The following PIBF1 variants were observed in gnomAD, a reference collection of about 807,000 sequenced individuals.
The protein encoded by PIBF1 is progesterone-induced-blocking factor 1.
PIBF1 carries 90 observed loss-of-function variants against 112.5 expected under a neutral mutation model. That is an observed-to-expected ratio of 0.80 (90% CI 0.67 to 0.95). The LOEUF is 0.95. Among genes scored for constraint, PIBF1 ranks in the 40% least tolerant of loss-of-function variants. PIBF1 has a pLI of 0.00. For missense variants in PIBF1, 915 were observed against 852.3 expected (o/e 1.07, Z -0.92); for synonymous variants, 301 against 288.6 (o/e 1.04, Z -0.44).
chr13:73,004,875 C>A (rs1395780516), intron 17 of PIBF1, among the ~76,000 whole-genome samples: 1 of 152,074 alleles, frequency 6.6e-6, no homozygotes, highest in Non-Finnish European at 1.5e-5. Flanking sequence ...GTAAGTAATA[C>A]CACTGATATG....
chr13:72,935,716 T>G (rs974060016), intron 14 of PIBF1, among the ~76,000 whole-genome samples: 2 of 152,194 alleles, frequency 1.3e-5, no homozygotes, highest in Non-Finnish European at 2.9e-5. Flanking sequence ...GTTAGTTTTT[T>G]TATCCACTAT....
At chr13:72,828,727 G>C (rs1429813212) in intron 8 of PIBF1, among the ~76,000 whole-genome samples, 1 of 152,230 alleles carries the variant, frequency 6.6e-6, no homozygotes, top group Non-Finnish European at 1.5e-5. Context: ...ATTGTGAACA[G>C]TGCTGCAGTA....
chr13:72,979,042 A>G (rs1329896523), intron 16 of PIBF1, among the ~76,000 whole-genome samples: 2 of 152,110 alleles, frequency 1.3e-5, no homozygotes, highest in Non-Finnish European at 2.9e-5. Context: ...AAAAAAATCA[A>G]AATTTAGCTG....
intron 11 of PIBF1, among the ~76,000 whole-genome samples, chr13:72,897,296 A>G (rs2040317887): frequency 6.6e-6 from 1 of 152,262 alleles, no homozygotes; most frequent in Admixed American, 6.5e-5. Flanking sequence ...GAACAGCTCA[A>G]AGGAGCTCTA....
At chr13:72,835,402 T>G (rs1266267845) in intron 9 of PIBF1, 34 bp downstream of exon 9, 2 of 1,499,172 alleles carry the variant, frequency 1.3e-6, no homozygotes, top group Non-Finnish European at 1.8e-6. Flanking sequence ...TGGTATTTTA[T>G]TTATCTTTGG....
At chr13:72,925,359 G>A (rs2041443641) in intron 13 of PIBF1, among the ~76,000 whole-genome samples, 1 of 151,934 alleles carries the variant, frequency 6.6e-6, no homozygotes, top group Admixed American at 6.6e-5. Flanking sequence ...TGAATGAACA[G>A]GAATTCATTC....
chr13:72,893,129 A>G (rs1184622408), intron 10 of PIBF1, among the ~76,000 whole-genome samples: 2 of 152,172 alleles, frequency 1.3e-5, no homozygotes, highest in African/African-American at 2.4e-5. Flanking sequence ...TTAGAACACA[A>G]TCAACCTTAA....
chr13:72,796,309 A>G lies in PIBF1; in HGVS notation c.552+752A>G, dbSNP rs1050559412. Among the ~76,000 whole-genome samples the G allele has an allele frequency of 8.1e-4, 123 of 152,294 alleles. 1 individual carries two copies. The highest frequency in any genetic ancestry group is 2.7e-3 in the African/African-American group (114 of 41,566). On this transcript the variant is annotated intron_variant, in intron 4 of 17. Coordinates refer to ENST00000326291, the MANE Select transcript of PIBF1 (RefSeq NM_006346.4). Reference sequence around the variant, plus strand: ...TTGATCTTGTGAATTCCCTGAAAGGATCTCAGAGTGGCGAGTGGGGCAGAG... The same window carrying G: ...TTGATCTTGTGAATTCCCTGAAAGGGTCTCAGAGTGGCGAGTGGGGCAGAG...
At chr13:72,995,242 A>G (rs1041698770) in intron 16 of PIBF1, among the ~76,000 whole-genome samples, 1 of 150,362 alleles carries the variant, frequency 6.7e-6, no homozygotes, top group African/African-American at 2.5e-5. Flanking sequence ...CAGAGGTTGC[A>G]GTGAGCCGAG....
At chr13:72,981,801 A>C (rs777035541) in intron 16 of PIBF1, among the ~76,000 whole-genome samples, 3 of 152,216 alleles carry the variant, frequency 2.0e-5, no homozygotes, top group African/African-American at 7.2e-5. Context: ...ACTTTCTACT[A>C]TATGTACATA....
At position 72,958,450 on chromosome 13, in the gene PIBF1, T is replaced by C. The variant is rs80112966; in HGVS notation, c.1834-6824T>C. ...AGTATTTTAACATCCCATTCATGAA[T>C]TTTCCTTACTTGGACCATACTTTGT... On this transcript the variant is annotated intron_variant, in intron 14 of 17. Transcript: ENST00000326291. Among the ~76,000 whole-genome samples, 1,055 of 152,256 alleles carry C rather than the reference T, an allele frequency of 6.9e-3. 23 individuals carry two copies. Among genetic ancestry groups the C allele is most frequent in the African/African-American group, 0.024 (991 of 41,548 alleles).
chr13:72,790,670 T>C (rs966160113), intron 2 of PIBF1, among the ~76,000 whole-genome samples: 2 of 152,036 alleles, frequency 1.3e-5, no homozygotes, highest in African/African-American at 4.8e-5. Flanking sequence ...CTGAGGAGCC[T>C]AGAAAGCTTA....
At chr13:72,788,779 AGGTTT>A (rs1409507562) in intron 2 of PIBF1, among the ~76,000 whole-genome samples, 1 of 152,228 alleles carries the variant, frequency 6.6e-6, no homozygotes. Context: ...AAAGAAGGGA[AGGTTT>A]GATGTTGGGA....
chr13:72,926,315 A>G (rs1395369964), intron 13 of PIBF1, among the ~76,000 whole-genome samples: 3 of 152,256 alleles, frequency 2.0e-5, no homozygotes, highest in Admixed American at 2.0e-4. Context: ...TTATGTACGC[A>G]TGTGCTATCA....
At chr13:72,801,897 G>A (rs1009729615) in intron 5 of PIBF1, among the ~76,000 whole-genome samples, 3 of 152,032 alleles carry the variant, frequency 2.0e-5, no homozygotes, top group Non-Finnish European at 4.4e-5. Flanking sequence ...AAAGTTAATG[G>A]GTTGCCTACC....
At chr13:72,928,004 T>TATACAC (rs144996799) in intron 13 of PIBF1, among the ~76,000 whole-genome samples, 30 of 40,364 alleles carry the variant, frequency 7.4e-4, no homozygotes, top group African/African-American at 3.7e-3. Flanking sequence ...CACATATATA[T>TATACAC]ACATATATAT....
At chr13:72,938,524 T>C (rs950366445) in intron 14 of PIBF1, among the ~76,000 whole-genome samples, 2 of 152,234 alleles carry the variant, frequency 1.3e-5, no homozygotes, top group Non-Finnish European at 2.9e-5. Flanking sequence ...TTTTGCCATC[T>C]ATCAGTGCTC....
chr13:72,993,671 A>G (rs962494780), intron 16 of PIBF1, among the ~76,000 whole-genome samples: 21 of 150,354 alleles, frequency 1.4e-4, no homozygotes, highest in Non-Finnish European at 1.9e-4. Context: ...GCGTGAACCC[A>G]GGAGGCAGAG....
chr13:72,788,205 T>G (rs543367729), intron 2 of PIBF1, among the ~76,000 whole-genome samples: 1 of 152,200 alleles, frequency 6.6e-6, no homozygotes, highest in African/African-American at 2.4e-5. Context: ...CTGAGCTTCC[T>G]GTCATTGGAA....
Sources: gnomAD v4.1 joint callset for allele counts (sites outside exome capture counted in the v4.1 genomes callset) on GRCh38, gnomAD v4.1.1 for gene constraint, MANE v1.5 for transcripts, NCBI Gene and HGNC (gene_info 2026-07-23, HGNC 2026-07-21) for gene names.